Variants in SLC14A2 observed in about 807,000 individuals in gnomAD.
The protein encoded by SLC14A2 is solute carrier family 14 member 2.
A neutral mutation model predicts 104.6 loss-of-function variants in SLC14A2; 91 were observed. The observed-to-expected ratio is 0.87, with a 90% confidence interval of 0.73 to 1.04. The LOEUF (loss-of-function observed/expected upper bound fraction) is 1.04. Ranked by LOEUF, SLC14A2 falls within the 50% of genes least tolerant of loss-of-function variation. The probability of loss-of-function intolerance (pLI) is 0.00; values close to 1 mark genes in which losing one functional copy is unlikely to be tolerated. For missense variants in SLC14A2, 1,189 were observed against 1,156.0 expected (o/e 1.03, Z -0.41); for synonymous variants, 476 against 466.4 (o/e 1.02, Z -0.27).
upstream of SLC14A2, among the ~76,000 whole-genome samples, chr18:45,614,518 G>A (rs578085332): frequency 4.6e-5 from 7 of 152,308 alleles, no homozygotes; most frequent in South Asian, 2.1e-4. Context: ...ACCAGCCTGC[G>A]AAAGCAGCAG....
rs761519063 is a variant in SLC14A2, at chr18:45,639,878, G to T, written c.976G>T (p.Val326Leu). 3 of 1,613,394 alleles carry T rather than the reference G, an allele frequency of 1.9e-6. No individual in the cohort carries two copies. The highest frequency in any genetic ancestry group is 2.5e-6 in the Non-Finnish European group (3 of 1,179,922). Residue 326 changes from valine to leucine, a missense_variant, in exon 7 of 20, where the codon GTG becomes TTG. Physicochemically the swap from Val to Leu is conservative, Grantham distance 32 (BLOSUM62 1). Transcript: ENST00000255226. ...CTTGCATGCAGCCATTGGCTCAATC[G>T]TGGGGCTGCTAGCAGGTAGGACAGA... ...ICLHAAIGSI[V>L]GLLAALSVAT...
At chr18:45,223,750 G>A (rs2084086454) in intron 1 of SLC14A2, among the ~76,000 whole-genome samples, 1 of 152,194 alleles carries the variant, frequency 6.6e-6, no homozygotes, top group African/African-American at 2.4e-5. Flanking sequence ...AGGTCCAGAG[G>A]CAGGAGATCA....
chr18:45,451,390 G>C (rs1262738739), intron 1 of SLC14A2, among the ~76,000 whole-genome samples: 1 of 152,130 alleles, frequency 6.6e-6, no homozygotes, highest in Non-Finnish European at 1.5e-5. Context: ...TAAATGCTAA[G>C]TGCCATAGTG....
At chr18:45,650,310 T>C (rs1266829711) in intron 10 of SLC14A2, among the ~76,000 whole-genome samples, 1 of 152,118 alleles carries the variant, frequency 6.6e-6, no homozygotes, top group Non-Finnish European at 1.5e-5. Flanking sequence ...AGAAGATCCA[T>C]GTGTGTTTAT....
intron 2 of SLC14A2, among the ~76,000 whole-genome samples, chr18:45,604,098 A>G (rs2044829309): frequency 6.6e-6 from 1 of 152,252 alleles, no homozygotes; most frequent in Non-Finnish European, 1.5e-5. Context: ...ACTCACACCT[A>G]TAATTCACTT....
chr18:45,228,702 C>G (rs1035146068), intron 1 of SLC14A2, among the ~76,000 whole-genome samples: 2 of 152,176 alleles, frequency 1.3e-5, no homozygotes, highest in African/African-American at 4.8e-5. Context: ...CTCTTGAACT[C>G]TTCCCTGGCA....
intron 1 of SLC14A2, among the ~76,000 whole-genome samples, chr18:45,274,250 G>T (rs2084679536): frequency 6.6e-6 from 1 of 152,176 alleles, no homozygotes; most frequent in African/African-American, 2.4e-5. Flanking sequence ...GTCAATTCAT[G>T]CAAGATGTGT....
chr18:45,520,363 G>A (rs1464820539), intron 2 of SLC14A2, among the ~76,000 whole-genome samples: 2 of 152,124 alleles, frequency 1.3e-5, no homozygotes, highest in Non-Finnish European at 2.9e-5. Context: ...ACCTGATGGA[G>A]ACTTAGGATA....
intron 1 of SLC14A2, among the ~76,000 whole-genome samples, chr18:45,251,382 G>A (rs769341951): frequency 6.7e-4 from 102 of 152,204 alleles, no homozygotes; most frequent in Non-Finnish European, 3.2e-4. Flanking sequence ...AATCTTACTC[G>A]GAAATACTTT....
At chr18:45,414,758 ATATATATATATATATAT>A (rs1450143567) in intron 1 of SLC14A2, among the ~76,000 whole-genome samples, 4 of 50,098 alleles carry the variant, frequency 8.0e-5, no homozygotes, top group South Asian at 9.5e-4. Context: ...AAAAAAAAAA[ATATATATATATATATAT>A]ATATATATAT....
chr18:45,186,090 G>C, the SLC14A2 span, among the ~76,000 whole-genome samples: 3 of 152,190 alleles, frequency 2.0e-5, no homozygotes, highest in Admixed American at 2.0e-4. Flanking sequence ...AGAGATGCCA[G>C]CAGTCTTTTT....
intron 1 of SLC14A2, among the ~76,000 whole-genome samples, chr18:45,228,720 G>C (rs988361358): frequency 6.6e-6 from 1 of 152,146 alleles, no homozygotes; most frequent in African/African-American, 2.4e-5. Context: ...GCATCAGATA[G>C]TCTTTCACCC....
At chr18:45,349,183 T>C (rs1221037176) in intron 1 of SLC14A2, among the ~76,000 whole-genome samples, 2 of 152,218 alleles carry the variant, frequency 1.3e-5, no homozygotes, top group African/African-American at 2.4e-5. Flanking sequence ...CAGATCATAT[T>C]TGGAAGGACT....
At chr18:45,445,965 A>G (rs970892728) in intron 1 of SLC14A2, among the ~76,000 whole-genome samples, 3 of 152,258 alleles carry the variant, frequency 2.0e-5, no homozygotes, top group South Asian at 2.1e-4. Flanking sequence ...TTCAGAAGGC[A>G]GAGCAGTAAG....
chr18:45,239,177 A>C (rs1418464039), intron 1 of SLC14A2, among the ~76,000 whole-genome samples: 1 of 152,100 alleles, frequency 6.6e-6, no homozygotes, highest in Non-Finnish European at 1.5e-5. Context: ...AGATCCACTC[A>C]CCTAAGGAGG....
At chr18:45,381,107 G>T (rs781405816) in intron 1 of SLC14A2, among the ~76,000 whole-genome samples, 1 of 152,188 alleles carries the variant, frequency 6.6e-6, no homozygotes, top group Non-Finnish European at 1.5e-5. Flanking sequence ...CTCCAAGGAA[G>T]CTGTTCTTGA....
chr18:45,387,324 T>G (rs1351916954), intron 1 of SLC14A2, among the ~76,000 whole-genome samples: 1 of 152,176 alleles, frequency 6.6e-6, no homozygotes, highest in African/African-American at 2.4e-5. Context: ...CAGCCAGAAT[T>G]AATTCTATGC....
chr18:45,418,283 T>G (rs1568192087), intron 1 of SLC14A2, among the ~76,000 whole-genome samples: 1 of 152,130 alleles, frequency 6.6e-6, no homozygotes. Context: ...AGAACCTGGA[T>G]AGTTACTGCA....
At position 45,470,881 on chromosome 18, in the gene SLC14A2, C is replaced by G. The variant is rs76778587; in HGVS notation, c.-124-12352C>G. On this transcript the variant is annotated intron_variant, in intron 1 of 20. Coordinates refer to the SLC14A2 transcript ENST00000586448. Reference sequence around the variant, plus strand: ...GTGGTAACCTTTGACCCTTGGCTACCTTCTCATTCCCTTCAACTTCTGAAT... The same window carrying G: ...GTGGTAACCTTTGACCCTTGGCTACGTTCTCATTCCCTTCAACTTCTGAAT... Among the ~76,000 whole-genome samples, 329 of 152,198 alleles carry G rather than the reference C, an allele frequency of 2.2e-3. 7 individuals are homozygous for G. In the East Asian group the frequency reaches 0.052, roughly 24 times the overall value.
Sources: gnomAD v4.1 joint callset for allele counts (sites outside exome capture counted in the v4.1 genomes callset) on GRCh38, gnomAD v4.1.1 for gene constraint, MANE v1.5 for transcripts, NCBI Gene and HGNC (gene_info 2026-07-23, HGNC 2026-07-21) for gene names.